TESK2: variants seen among roughly 807,000 people sequenced by gnomAD.
TESK2 encodes testis associated actin remodelling kinase 2, also known as dual specificity testis-specific protein kinase 2.
Under a neutral mutation model 57.1 loss-of-function variants are expected in TESK2, and 39 were observed. The observed-to-expected ratio is 0.68, with a 90% confidence interval of 0.53 to 0.89. TESK2 has a LOEUF of 0.89. Ranked by LOEUF, TESK2 falls within the 40% of genes least tolerant of loss-of-function variation. TESK2 has a pLI of 0.00. For missense variants in TESK2, 646 were observed against 732.1 expected (o/e 0.88, Z 1.36); for synonymous variants, 249 against 267.9 (o/e 0.93, Z 0.69).
At chr1:45,461,218 C>T (rs781281863) in intron 1 of TESK2, among the ~76,000 whole-genome samples, 4 of 151,734 alleles carry the variant, frequency 2.6e-5, no homozygotes, top group Admixed American at 6.6e-5. Flanking sequence ...AATCTCAAAA[C>T]GTGGCCAGGC....
intron 4 of TESK2, among the ~76,000 whole-genome samples, chr1:45,375,357 C>T (rs1205624411): frequency 6.6e-6 from 1 of 152,124 alleles, no homozygotes; most frequent in East Asian, 1.9e-4. Flanking sequence ...TCTGCCTCCA[C>T]GCCTTTGCAT....
At chr1:45,396,964 G>C (rs998298008) in intron 3 of TESK2, among the ~76,000 whole-genome samples, 2 of 151,522 alleles carry the variant, frequency 1.3e-5, no homozygotes, top group Non-Finnish European at 2.9e-5. Flanking sequence ...GATTACAAGC[G>C]TGCACCACCA....
intron 3 of TESK2, among the ~76,000 whole-genome samples, chr1:45,411,544 T>C (rs1650040779): frequency 6.6e-6 from 1 of 152,140 alleles, no homozygotes; most frequent in South Asian, 2.1e-4. Context: ...TCCTGCTGTG[T>C]GGCCCAGTTC....
At chr1:45,396,843 C>T (rs1649387903) in intron 3 of TESK2, among the ~76,000 whole-genome samples, 1 of 107,132 alleles carries the variant, frequency 9.3e-6, no homozygotes, top group Admixed American at 1.2e-4. Context: ...TGGAGTCTCA[C>T]TTCGTTGCTC....
At chr1:45,346,447 G>C (rs930864388) in intron 9 of TESK2, among the ~76,000 whole-genome samples, 2 of 152,250 alleles carry the variant, frequency 1.3e-5, no homozygotes, top group East Asian at 3.9e-4. Context: ...AACACCTAAC[G>C]CAAGGAGTGA....
rs77722474 is a variant in TESK2, at chr1:45,444,778, C to T, written c.222+12786G>A. On this transcript the variant is annotated intron_variant, in intron 2 of 10. Transcript: ENST00000372086. ...TTCTAACCACATAAGCTAAACTGTC[C>T]CTGTCCATATCCGGGCATAAGCCAA... 2.9e-3 allele frequency among the ~76,000 whole-genome samples: 438 copies of T among 152,268 alleles called. 4 individuals carry two copies. Among genetic ancestry groups the T allele is most frequent in the East Asian group, 0.018 (93 of 5,180 alleles).
chr1:45,481,707 A>G (rs553749291), intron 1 of TESK2, among the ~76,000 whole-genome samples: 2 of 151,368 alleles, frequency 1.3e-5, no homozygotes, highest in African/African-American at 4.9e-5. Context: ...CAAAACACCT[A>G]GCCTAGAAAC....
chr1:45,393,593 T>C (rs755626326), intron 3 of TESK2, among the ~76,000 whole-genome samples: 2 of 151,902 alleles, frequency 1.3e-5, no homozygotes, highest in Non-Finnish European at 2.9e-5. Context: ...ATACAAAAAT[T>C]AGCCAGGCGT....
chr1:45,457,936 G>A, intron 1 of TESK2, 65 bp from the exon 2 acceptor site: 1 of 617,584 alleles, frequency 1.6e-6, no homozygotes, highest in East Asian at 2.8e-5. Context: ...AGCAATAAAT[G>A]CTCAATGCAA....
At chr1:45,424,339 A>C (rs1324298069) in intron 2 of TESK2, among the ~76,000 whole-genome samples, 1 of 152,164 alleles carries the variant, frequency 6.6e-6, no homozygotes, top group African/African-American at 2.4e-5. Flanking sequence ...GGCCGGGCCA[A>C]AACACAAAGA....
At chr1:45,472,740 G>A (rs1174838203) in intron 1 of TESK2, among the ~76,000 whole-genome samples, 2 of 152,044 alleles carry the variant, frequency 1.3e-5, no homozygotes, top group Non-Finnish European at 2.9e-5. Context: ...ATCTTACTGA[G>A]TTTAAGTTGC....
chr1:45,418,399 A>C (rs1034647592), intron 3 of TESK2, among the ~76,000 whole-genome samples: 1 of 152,192 alleles, frequency 6.6e-6, no homozygotes, highest in Non-Finnish European at 1.5e-5. Context: ...TTACCTTATC[A>C]TTCTAGTTTC....
At chr1:45,484,290 G>A (rs978107829) in intron 1 of TESK2, among the ~76,000 whole-genome samples, 2 of 151,610 alleles carry the variant, frequency 1.3e-5, no homozygotes, top group Admixed American at 6.6e-5. Context: ...TGTATTTTTA[G>A]TAGAGACGGG....
At chr1:45,377,415 C>G (rs1160145566) in intron 4 of TESK2, among the ~76,000 whole-genome samples, 1 of 146,350 alleles carries the variant, frequency 6.8e-6, no homozygotes, top group Non-Finnish European at 1.5e-5. Flanking sequence ...AATAAGAGAA[C>G]AAGGATTTTT....
chr1:45,385,948 T>C lies in TESK2; in HGVS notation c.357A>G (p.Val119=). 1.2e-6 allele frequency: 2 copies of C among 1,606,652 alleles called. No individual in the cohort carries two copies. The highest frequency in any genetic ancestry group is 2.2e-5 in the South Asian group (2 of 90,350). Residue 119 remains valine (V), a synonymous_variant, in exon 4 of 11, where the codon GTA becomes GTG. Transcript: ENST00000372086. ...CATGCAATTGTCCTTGATGAACACA[T>C]ACACCCATGAACCTAAAGAACAAGA... ...SHPNILRFMG[V]CVHQGQLHAL...
At chr1:45,424,110 G>A (rs1206472356) in intron 2 of TESK2, among the ~76,000 whole-genome samples, 7 of 152,132 alleles carry the variant, frequency 4.6e-5, no homozygotes, top group African/African-American at 1.7e-4. Flanking sequence ...ACGGACTTCA[G>A]GAGTATCATT....
intron 5 of TESK2, among the ~76,000 whole-genome samples, chr1:45,353,540 C>T (rs930629771): frequency 9.2e-5 from 14 of 152,218 alleles, no homozygotes; most frequent in Non-Finnish European, 7.3e-5. Context: ...GGGCTCCCTT[C>T]CCCTCCCCTT....
chr1:45,468,316 C>T (rs1652637307), intron 1 of TESK2, among the ~76,000 whole-genome samples: 1 of 152,068 alleles, frequency 6.6e-6, no homozygotes, highest in Admixed American at 6.5e-5. Context: ...GGAGTAAGAA[C>T]TGTATTAATC....
chr1:45,379,973 A>G (rs1344188233), intron 4 of TESK2, among the ~76,000 whole-genome samples: 1 of 151,842 alleles, frequency 6.6e-6, no homozygotes. Context: ...ATCTCGGCTC[A>G]CTGCAACCTC....
Sources: gnomAD v4.1 joint callset for allele counts (sites outside exome capture counted in the v4.1 genomes callset) on GRCh38, gnomAD v4.1.1 for gene constraint, MANE v1.5 for transcripts, NCBI Gene and HGNC (gene_info 2026-07-23, HGNC 2026-07-21) for gene names.